Variants in ABTB3 observed in about 807,000 individuals in gnomAD.
ABTB3 encodes the protein ankyrin repeat and BTB domain containing 3.
chr12:107,469,562 G>A, the ABTB3 span, among the ~76,000 whole-genome samples: 2 of 152,142 alleles, frequency 1.3e-5, no homozygotes, highest in Non-Finnish European at 2.9e-5. Flanking sequence ...GGGTGGAGAG[G>A]GCGAGGCATC....
At chr12:107,452,867 C>A in the ABTB3 span, among the ~76,000 whole-genome samples, 1 of 152,100 alleles carries the variant, frequency 6.6e-6, no homozygotes, top group Non-Finnish European at 1.5e-5. Context: ...TAAACAACAA[C>A]AACAAAAATT....
chr12:107,444,741 C>T, the ABTB3 span, among the ~76,000 whole-genome samples: 4 of 152,090 alleles, frequency 2.6e-5, no homozygotes, highest in East Asian at 1.9e-4. Context: ...TTCAAAAATA[C>T]GCACTCAACC....
At chr12:107,614,400 C>T in the ABTB3 span, among the ~76,000 whole-genome samples, 1 of 152,102 alleles carries the variant, frequency 6.6e-6, no homozygotes, top group East Asian at 1.9e-4. Flanking sequence ...AGGGTGGGGC[C>T]AGCTGTGATC....
At chr12:107,506,475 T>C in the ABTB3 span, among the ~76,000 whole-genome samples, 1 of 152,192 alleles carries the variant, frequency 6.6e-6, no homozygotes, top group Non-Finnish European at 1.5e-5. Flanking sequence ...AATTTGATAT[T>C]TCTATAGAAA....
At chr12:107,466,635 T>C in the ABTB3 span, among the ~76,000 whole-genome samples, 1 of 151,946 alleles carries the variant, frequency 6.6e-6, no homozygotes, top group African/African-American at 2.4e-5. Flanking sequence ...GTCTGCAGAC[T>C]TCGGCAGGGT....
At chr12:107,436,811 C>T in the ABTB3 span, among the ~76,000 whole-genome samples, 4 of 152,020 alleles carry the variant, frequency 2.6e-5, no homozygotes, top group African/African-American at 9.7e-5. Flanking sequence ...GGAACACATA[C>T]CCCCAAAGTA....
the ABTB3 span, chr12:107,486,482 C>T: frequency 1.3e-5 from 2 of 151,988 alleles, no homozygotes; most frequent in South Asian, 4.1e-4. Flanking sequence ...TCACAAATAC[C>T]ACAGACACAC....
At chr12:107,322,715 A>ACGTTTTGAAAAGGTACTACACTATTATC in the ABTB3 span, among the ~76,000 whole-genome samples, 4 of 151,694 alleles carry the variant, frequency 2.6e-5, no homozygotes, top group Admixed American at 6.6e-5. Context: ...GATCCCCAGT[A>ACGTTTTGAAAAGGTACTACACTATTATC]CCCATTATAT....
the ABTB3 span, among the ~76,000 whole-genome samples, chr12:107,526,928 C>T: frequency 1.3e-5 from 2 of 152,100 alleles, no homozygotes; most frequent in Non-Finnish European, 2.9e-5. Flanking sequence ...CTGTAATCTT[C>T]TCATGTGGTG....
At chr12:107,431,623 C>T in the ABTB3 span, among the ~76,000 whole-genome samples, 38 of 152,224 alleles carry the variant, frequency 2.5e-4, no homozygotes, top group Non-Finnish European at 1.3e-4. Flanking sequence ...TACCCGCCCC[C>T]GCACCCGCCC....
the ABTB3 span, among the ~76,000 whole-genome samples, chr12:107,541,319 A>C: frequency 0.51 from 78,250 of 152,172 alleles, 20,696 homozygotes; most frequent in East Asian, 0.68. Flanking sequence ...GATCTAAAGG[A>C]CTGGTTTCAG....
chr12:107,581,994 C>T, the ABTB3 span, among the ~76,000 whole-genome samples: 1 of 152,190 alleles, frequency 6.6e-6, no homozygotes, highest in African/African-American at 2.4e-5. Flanking sequence ...AGCTGTTTCC[C>T]AGGTGTCATT....
the ABTB3 span, among the ~76,000 whole-genome samples, chr12:107,575,964 A>G: frequency 1.3e-5 from 2 of 152,156 alleles, no homozygotes; most frequent in Non-Finnish European, 2.9e-5. Context: ...GACACTTGAA[A>G]TATCTTGTTC....
the ABTB3 span, among the ~76,000 whole-genome samples, chr12:107,555,230 T>C: frequency 0.54 from 81,447 of 151,982 alleles, 22,138 homozygotes; most frequent in East Asian, 0.65. Context: ...CAGGATTAGA[T>C]AGGTGTCCTC....
chr12:107,413,372 G>C, the ABTB3 span, among the ~76,000 whole-genome samples: 1 of 152,220 alleles, frequency 6.6e-6, no homozygotes, highest in Non-Finnish European at 1.5e-5. Flanking sequence ...GCAAGTTCAA[G>C]TAGCTTGCCT....
At chr12:107,584,118 G>A in the ABTB3 span, among the ~76,000 whole-genome samples, 4 of 152,046 alleles carry the variant, frequency 2.6e-5, no homozygotes, top group Admixed American at 6.5e-5. Context: ...TCAACATACA[G>A]ATACATCTAC....
At chr12:107,590,079 C>G in the ABTB3 span, among the ~76,000 whole-genome samples, 2 of 152,014 alleles carry the variant, frequency 1.3e-5, no homozygotes, top group South Asian at 2.1e-4. Context: ...CTGGTTAATT[C>G]TTGTATTTTT....
chr12:107,403,695 G>A, the ABTB3 span, among the ~76,000 whole-genome samples: 1 of 152,090 alleles, frequency 6.6e-6, no homozygotes, highest in Non-Finnish European at 1.5e-5. Context: ...AAATGGTCAG[G>A]GAACACTTTG....
chr12:107,481,474 C>T, the ABTB3 span, among the ~76,000 whole-genome samples: 1 of 152,088 alleles, frequency 6.6e-6, no homozygotes, highest in Non-Finnish European at 1.5e-5. Flanking sequence ...TGGTTGTGGT[C>T]CTCTGTGCAA....
Sources: gnomAD v4.1 joint callset for allele counts (sites outside exome capture counted in the v4.1 genomes callset) on GRCh38, gnomAD v4.1.1 for gene constraint, MANE v1.5 for transcripts, NCBI Gene and HGNC (gene_info 2026-07-23, HGNC 2026-07-21) for gene names.